MYMX: variants seen among roughly 807,000 people sequenced by gnomAD.
MYMX encodes the protein protein myomixer.
At chr6:44,207,221 C>T in the MYMX span, among the ~76,000 whole-genome samples, 12 of 150,536 alleles carry the variant, frequency 8.0e-5, no homozygotes, top group Non-Finnish European at 1.0e-4. Context: ...TGCAGTGGTG[C>T]GATCTCCGCT....
At chr6:44,214,336 T>A (rs1450788558), upstream of MYMX, among the ~76,000 whole-genome samples, 1 of 152,168 alleles carries the variant, frequency 6.6e-6, no homozygotes, top group Non-Finnish European at 1.5e-5. Context: ...TGATCTATAA[T>A]AGGAAGAGAG....
At chr6:44,198,025 C>T in the MYMX span, among the ~76,000 whole-genome samples, 1 of 152,172 alleles carries the variant, frequency 6.6e-6, no homozygotes, top group Non-Finnish European at 1.5e-5. Flanking sequence ...AAGATCTCAA[C>T]TTACTATTGA....
the MYMX span, among the ~76,000 whole-genome samples, chr6:44,210,545 C>T: frequency 0.028 from 4,189 of 152,234 alleles, 103 homozygotes; most frequent in African/African-American, 0.061. Context: ...ACCTCAGCCT[C>T]CCAAAATGCT....
At chr6:44,212,892 C>T (rs1366268502), upstream of MYMX, among the ~76,000 whole-genome samples, 3 of 149,364 alleles carry the variant, frequency 2.0e-5, no homozygotes, top group Non-Finnish European at 4.4e-5. Context: ...CTTGACTGGG[C>T]ACGCATGCAC....
At chr6:44,207,274 T>G in the MYMX span, among the ~76,000 whole-genome samples, 1 of 152,072 alleles carries the variant, frequency 6.6e-6, no homozygotes, top group South Asian at 2.1e-4. Flanking sequence ...TTCTCCTGCC[T>G]CAGCCTCACA....
At chr6:44,202,323 C>G in the MYMX span, among the ~76,000 whole-genome samples, 2 of 152,122 alleles carry the variant, frequency 1.3e-5, no homozygotes, top group Non-Finnish European at 2.9e-5. Context: ...CAGAATGTTT[C>G]TGGATGGCCC....
the MYMX span, among the ~76,000 whole-genome samples, chr6:44,192,855 C>T: frequency 6.6e-6 from 1 of 152,204 alleles, no homozygotes; most frequent in Non-Finnish European, 1.5e-5. Context: ...CTGACCATAT[C>T]TTGAGAGCAG....
At chr6:44,205,702 G>T in the MYMX span, among the ~76,000 whole-genome samples, 1 of 152,070 alleles carries the variant, frequency 6.6e-6, no homozygotes, top group East Asian at 1.9e-4. Flanking sequence ...CCAGCTACTT[G>T]GGAGGCTGAG....
At chr6:44,203,161 C>G in the MYMX span, among the ~76,000 whole-genome samples, 1 of 152,314 alleles carries the variant, frequency 6.6e-6, no homozygotes, top group Non-Finnish European at 1.5e-5. Flanking sequence ...CGTTCCTCCC[C>G]TCGAGACTCT....
the MYMX span, among the ~76,000 whole-genome samples, chr6:44,196,888 G>GC: frequency 6.6e-6 from 1 of 152,148 alleles, no homozygotes; most frequent in African/African-American, 2.4e-5. Context: ...AACCTGGGAG[G>GC]CGGAGGTTGC....
the MYMX span, among the ~76,000 whole-genome samples, chr6:44,202,172 G>C: frequency 6.6e-6 from 1 of 152,204 alleles, no homozygotes; most frequent in Admixed American, 6.5e-5. Flanking sequence ...CCCATCTGCT[G>C]TCTGTCACTC....
chr6:44,216,670 A>G (rs1439724407), upstream of MYMX, among the ~76,000 whole-genome samples: 112 of 145,238 alleles, frequency 7.7e-4, 1 homozygote, highest in Middle Eastern at 0.011. Context: ...AAAAAAAAAA[A>G]AAGAAGAAGA....
the MYMX span, among the ~76,000 whole-genome samples, chr6:44,204,280 G>A: frequency 6.6e-6 from 1 of 152,206 alleles, no homozygotes; most frequent in African/African-American, 2.4e-5. Context: ...TGGAGGTGGG[G>A]TGGAAGGACT....
the MYMX span, among the ~76,000 whole-genome samples, chr6:44,211,001 G>T: frequency 6.6e-6 from 1 of 152,146 alleles, no homozygotes; most frequent in African/African-American, 2.4e-5. Context: ...AGTAGTACTA[G>T]TTACTCATGA....
the MYMX span, among the ~76,000 whole-genome samples, chr6:44,196,988 C>T: frequency 6.7e-6 from 1 of 149,536 alleles, no homozygotes; most frequent in East Asian, 2.0e-4. Flanking sequence ...GGCATGGTGG[C>T]TCATGCCTGT....
upstream of MYMX, among the ~76,000 whole-genome samples, chr6:44,215,260 T>C (rs1775798429): frequency 6.6e-6 from 1 of 152,226 alleles, no homozygotes; most frequent in African/African-American, 2.4e-5. Context: ...TTTTATGAAG[T>C]AGAAGAATGA....
upstream of MYMX, among the ~76,000 whole-genome samples, chr6:44,214,542 A>C (rs548224839): frequency 1.3e-5 from 2 of 152,234 alleles, no homozygotes; most frequent in South Asian, 4.1e-4. Flanking sequence ...TGGTTATAAT[A>C]ATTGCTCCCC....
At chr6:44,194,155 A>G in the MYMX span, among the ~76,000 whole-genome samples, 4 of 152,260 alleles carry the variant, frequency 2.6e-5, no homozygotes, top group African/African-American at 9.6e-5. Context: ...AACTAAACAC[A>G]GAGAAGTTTA....
chr6:44,215,304 G>T (rs572558591), upstream of MYMX, among the ~76,000 whole-genome samples: 10 of 152,374 alleles, frequency 6.6e-5, no homozygotes, highest in Non-Finnish European at 1.5e-4. Flanking sequence ...TGAGTGCAGT[G>T]GCTCACGCCT....
Sources: gnomAD v4.1 joint callset for allele counts (sites outside exome capture counted in the v4.1 genomes callset) on GRCh38, gnomAD v4.1.1 for gene constraint, MANE v1.5 for transcripts, NCBI Gene and HGNC (gene_info 2026-07-23, HGNC 2026-07-21) for gene names.